EFNA5: variants seen among roughly 807,000 people sequenced by gnomAD.
The protein encoded by EFNA5 is ephrin-A5.
A neutral mutation model predicts 22.9 loss-of-function variants in EFNA5; 5 were observed. The ratio of observed to expected loss-of-function variants is 0.22; its 90% CI spans 0.11 to 0.46. The LOEUF (loss-of-function observed/expected upper bound fraction) is 0.46, where lower values mean the gene tolerates loss of function less well. Ranked by LOEUF, EFNA5 falls within the 20% of genes least tolerant of loss-of-function variation. EFNA5 has a pLI of 0.99. For synonymous variants in EFNA5, 113 were observed against 112.2 expected, an observed-to-expected ratio of 1.01 and a Z score of -0.04; for missense variants, 237 against 293.3, an observed-to-expected ratio of 0.81 and a Z score of 1.40.
chr5:107,490,434 C>A (rs1746773961), intron 1 of EFNA5, among the ~76,000 whole-genome samples: 1 of 152,246 alleles, frequency 6.6e-6, no homozygotes, highest in East Asian at 1.9e-4. Context: ...TTCAGTTAAA[C>A]AATTATTCTA....
intron 1 of EFNA5, among the ~76,000 whole-genome samples, chr5:107,569,935 C>T (rs1748759823): frequency 1.3e-5 from 2 of 151,346 alleles, no homozygotes; most frequent in Admixed American, 1.3e-4. Flanking sequence ...CAAGTGTACA[C>T]CACTTTTTAT....
chr5:107,431,888 C>G (rs1266692066), intron 1 of EFNA5, among the ~76,000 whole-genome samples: 1 of 152,190 alleles, frequency 6.6e-6, no homozygotes, highest in East Asian at 1.9e-4. Flanking sequence ...GAGTCGAGGA[C>G]ATTCAGAGAG....
chr5:107,593,935 T>TAC (rs1749425370), intron 1 of EFNA5, among the ~76,000 whole-genome samples: 1 of 152,216 alleles, frequency 6.6e-6, no homozygotes, highest in African/African-American at 2.4e-5. Flanking sequence ...GCTACTAAAC[T>TAC]AGAATTACAT....
chr5:107,602,974 C>T (rs527434481), intron 1 of EFNA5, among the ~76,000 whole-genome samples: 10 of 152,190 alleles, frequency 6.6e-5, no homozygotes, highest in Non-Finnish European at 1.0e-4. Context: ...GCTAAACCTA[C>T]AGACCTCGAA....
intron 1 of EFNA5, among the ~76,000 whole-genome samples, chr5:107,484,803 T>TC (rs1746548929): frequency 6.6e-6 from 1 of 151,688 alleles, no homozygotes; most frequent in Non-Finnish European, 1.5e-5. Flanking sequence ...ATTTTGTATT[T>TC]TTTTTTTTTA....
At chr5:107,402,576 C>T (rs17159897) in intron 2 of EFNA5, among the ~76,000 whole-genome samples, 4,277 of 152,272 alleles carry the variant, frequency 0.028, 206 homozygotes, top group African/African-American at 0.097. Flanking sequence ...ATCCCTACAA[C>T]GTGCTGTTGC....
rs3999107 is a variant in EFNA5, at chr5:107,435,315, C to CTTTTTTTTTTTTTT, written c.126-7820_126-7807dup. 3.2e-3 allele frequency among the ~76,000 whole-genome samples: 330 copies of CTTTTTTTTTTTTTT among 104,638 alleles called. 4 individuals are homozygous for CTTTTTTTTTTTTTT. Among genetic ancestry groups the CTTTTTTTTTTTTTT allele is most frequent in the African/African-American group, 5.8e-3 (147 of 25,158 alleles). The allele number at this position is 104,638 out of a possible 152,430, so 68.6% of individuals were successfully genotyped here. Reference sequence around the variant, plus strand: ...TTCCTATTCTAAATCTGAAGATGCTCTTTTTTTTTTTTTTTTTTTTTTGCT... The same window carrying CTTTTTTTTTTTTTT: ...TTCCTATTCTAAATCTGAAGATGCTCTTTTTTTTTTTTTTTTTTTTTTTTTTTTTTTTTTTTGCT... On this transcript the variant is annotated intron_variant, in intron 1 of 4. Transcript: ENST00000333274.
At chr5:107,666,755 TATC>T (rs1333195188) in intron 1 of EFNA5, among the ~76,000 whole-genome samples, 2 of 152,244 alleles carry the variant, frequency 1.3e-5, no homozygotes, top group Non-Finnish European at 2.9e-5. Context: ...ATTACCCTAA[TATC>T]ATTTCAGCAA....
chr5:107,378,445 T>C lies in EFNA5; in HGVS notation c.*2810A>G, dbSNP rs1381855985. 3 of 152,154 alleles carry C rather than the reference T, an allele frequency of 2.0e-5. No homozygotes were observed. The highest frequency in any genetic ancestry group is 4.4e-5 in the Non-Finnish European group (3 of 68,030). The allele number at this position is 152,154 out of a possible 1,614,324, so 9.4% of individuals were successfully genotyped here. A position where few individuals can be genotyped will look rare whatever the true frequency, so the allele number is the denominator to read the frequency against. ...TGTCCTTCAGATTTTTGAGTTGTTTTTGAAATTAAAAGCTTCTAAAAGTTG... is the reference window on the plus strand; with the variant it reads ...TGTCCTTCAGATTTTTGAGTTGTTTCTGAAATTAAAAGCTTCTAAAAGTTG... On this transcript the variant is annotated 3_prime_UTR_variant, in exon 5 of 5. Coordinates refer to ENST00000333274, the MANE Select transcript of EFNA5 (RefSeq NM_001962.3).
At chr5:107,523,521 A>AT (rs1368800512) in intron 1 of EFNA5, among the ~76,000 whole-genome samples, 4 of 152,222 alleles carry the variant, frequency 2.6e-5, no homozygotes, top group East Asian at 1.9e-4. Context: ...TGAATCAGCC[A>AT]TGAGTGTGTG....
At chr5:107,551,803 TC>T (rs1183772473) in intron 1 of EFNA5, among the ~76,000 whole-genome samples, 1 of 152,170 alleles carries the variant, frequency 6.6e-6, no homozygotes, top group Non-Finnish European at 1.5e-5. Context: ...CTGTAAAATT[TC>T]CCTACAAAAT....
intron 1 of EFNA5, among the ~76,000 whole-genome samples, chr5:107,476,755 C>CTCTT (rs1399701904): frequency 6.6e-6 from 1 of 151,856 alleles, no homozygotes; most frequent in Non-Finnish European, 1.5e-5. Context: ...CTCTCTCTCT[C>CTCTT]TCTCTCACAG....
At chr5:107,607,947 T>G (rs1048222992) in intron 1 of EFNA5, among the ~76,000 whole-genome samples, 1 of 152,096 alleles carries the variant, frequency 6.6e-6, no homozygotes, top group African/African-American at 2.4e-5. Flanking sequence ...GCAGATAAGC[T>G]GTCAGAGCCT....
intron 1 of EFNA5, among the ~76,000 whole-genome samples, chr5:107,645,282 T>C (rs1179512551): frequency 2.0e-5 from 3 of 152,224 alleles, no homozygotes; most frequent in Non-Finnish European, 4.4e-5. Context: ...TTGTAGAAGT[T>C]GAAGTAATTT....
chr5:107,477,887 C>G (rs545133052), intron 1 of EFNA5, among the ~76,000 whole-genome samples: 1 of 152,030 alleles, frequency 6.6e-6, no homozygotes, highest in South Asian at 2.1e-4. Flanking sequence ...AAAGAGAGTT[C>G]CCCTTGGTTT....
intron 1 of EFNA5, among the ~76,000 whole-genome samples, chr5:107,507,547 C>T (rs902562957): frequency 2.0e-5 from 3 of 151,966 alleles, no homozygotes; most frequent in Non-Finnish European, 2.9e-5. Flanking sequence ...ATATAAATAA[C>T]GGAAAATGGC....
intron 1 of EFNA5, among the ~76,000 whole-genome samples, chr5:107,558,404 T>C (rs965801838): frequency 6.6e-5 from 10 of 152,180 alleles, no homozygotes; most frequent in Admixed American, 2.0e-4. Flanking sequence ...TTATATTCAT[T>C]AAAGATTTCC....
intron 1 of EFNA5, among the ~76,000 whole-genome samples, chr5:107,655,013 G>GA (rs57899914): frequency 1.2e-3 from 171 of 148,658 alleles, no homozygotes; most frequent in African/African-American, 3.7e-3. Flanking sequence ...TGCGCTCATG[G>GA]AAAAAAAAAA....
At chr5:107,525,367 C>T (rs1309145891) in intron 1 of EFNA5, among the ~76,000 whole-genome samples, 1 of 151,972 alleles carries the variant, frequency 6.6e-6, no homozygotes, top group African/African-American at 2.4e-5. Flanking sequence ...TTCCCTAATT[C>T]ATATGTTAAT....
Sources: gnomAD v4.1 joint callset for allele counts (sites outside exome capture counted in the v4.1 genomes callset) on GRCh38, gnomAD v4.1.1 for gene constraint, MANE v1.5 for transcripts, NCBI Gene and HGNC (gene_info 2026-07-23, HGNC 2026-07-21) for gene names.